The following FAF2 variants were observed in gnomAD, a reference collection of about 807,000 sequenced individuals.
FAF2 encodes the protein FAS-associated factor 2.
In FAF2, 9 loss-of-function variants were observed where a neutral mutation model predicts 62.3. That is an observed-to-expected ratio of 0.14 (90% CI 0.09 to 0.25). The LOEUF is 0.25. Among genes scored for constraint, FAF2 ranks in the 10% least tolerant of loss-of-function variants. The pLI is 1.00. For synonymous variants in FAF2, 202 were observed against 198.0 expected, an observed-to-expected ratio of 1.02 and a Z score of -0.17; for missense variants, 368 against 556.2, an observed-to-expected ratio of 0.66 and a Z score of 3.40.
intron 1 of FAF2, among the ~76,000 whole-genome samples, chr5:176,465,366 CTTTTTTTT>C (rs70991554): frequency 8.6e-6 from 1 of 115,728 alleles, no homozygotes; most frequent in Admixed American, 9.6e-5. Context: ...CTTTTTCTTT[CTTTTTTTT>C]TTTTTTTTTT....
At chr5:176,459,050 G>T (rs1473484217) in intron 1 of FAF2, among the ~76,000 whole-genome samples, 4 of 152,094 alleles carry the variant, frequency 2.6e-5, no homozygotes, top group Admixed American at 6.6e-5. Context: ...AGTTTTGGGG[G>T]GTTCAAACTG....
intron 1 of FAF2, among the ~76,000 whole-genome samples, chr5:176,462,492 C>T (rs746310881): frequency 1.3e-5 from 2 of 151,348 alleles, no homozygotes; most frequent in African/African-American, 4.9e-5. Flanking sequence ...GGCGTGGTGG[C>T]GCATGTCTGT....
intron 1 of FAF2, among the ~76,000 whole-genome samples, chr5:176,466,009 A>C (rs1007572312): frequency 3.3e-5 from 5 of 152,216 alleles, no homozygotes; most frequent in African/African-American, 1.2e-4. Context: ...TAACTTTTTG[A>C]ATCTTTGGCT....
In FAF2 at chr5:176,507,176, C is replaced by T. The variant is rs1272202522; in HGVS notation, c.*226C>T. 8 of 364,936 alleles carry T rather than the reference C, an allele frequency of 2.2e-5. No homozygotes were observed. Among genetic ancestry groups the T allele is most frequent in the Non-Finnish European group, 3.2e-5 (6 of 189,916 alleles). 22.6% of individuals were successfully genotyped at this position (364,936 alleles called of 1,614,324 possible). A position where few individuals can be genotyped will look rare whatever the true frequency, so the allele number is the denominator to read the frequency against. On this transcript the variant is annotated 3_prime_UTR_variant, in exon 11 of 11. Transcript: ENST00000261942. ...GTGTGCGCGCAAGGTTAGCAACAAA[C>T]GTACCCGCTTGGCAAGCCCACCCTT...
At chr5:176,473,899 C>T (rs1176830096) in intron 1 of FAF2, among the ~76,000 whole-genome samples, 1 of 152,158 alleles carries the variant, frequency 6.6e-6, no homozygotes, top group Admixed American at 6.5e-5. Flanking sequence ...CCACCACTCC[C>T]AGCCTCCTTT....
Position 176,507,220 on chromosome 5 carries a change from G to T in FAF2, c.*270G>T, listed in dbSNP as rs957441180. The T allele has an allele frequency of 7.9e-5, 35 of 440,578 alleles. No individual in the cohort carries two copies. The highest frequency in any genetic ancestry group is 7.1e-5 in the East Asian group (1 of 14,164). The allele number at this position is 440,578 out of a possible 1,614,324, so 27.3% of individuals were successfully genotyped here. A position where few individuals can be genotyped will look rare whatever the true frequency, so the allele number is the denominator to read the frequency against. ...CACCCTTCCTGTGGCCTCTGTGCAC[G>T]CACCTTCCAGTGAACAGAGACTCTT... is the stretch of plus-strand genomic sequence containing the variant. On this transcript the variant is annotated 3_prime_UTR_variant, in exon 11 of 11. Coordinates refer to ENST00000261942, the MANE Select transcript of FAF2 (RefSeq NM_014613.3).
At chr5:176,486,135 G>A (rs1412237590) in intron 2 of FAF2, among the ~76,000 whole-genome samples, 1 of 152,190 alleles carries the variant, frequency 6.6e-6, no homozygotes, top group Non-Finnish European at 1.5e-5. Context: ...TTCCAGACAA[G>A]TTTCCTCGTC....
intron 1 of FAF2, among the ~76,000 whole-genome samples, chr5:176,477,599 T>C (rs1758726135): frequency 6.6e-6 from 1 of 152,246 alleles, no homozygotes; most frequent in Non-Finnish European, 1.5e-5. Flanking sequence ...GGAACTTTTC[T>C]ATTTCAGCAT....
At position 176,496,641 on chromosome 5, in the gene FAF2, C is replaced by T; in HGVS notation, c.817C>T (p.Leu273=). The change falls in exon 8 of 11, where the codon CTG becomes TTG. Residue 273 remains leucine (L), a synonymous_variant. Transcript: ENST00000261942. ...TFIMDANQTY[L]VSERLEREER... Reference sequence around the variant, plus strand: ...TATCATGGATGCTAACCAGACTTACCTGGTGTCAGAACGCCTAGAAAGGTA... The same window carrying T: ...TATCATGGATGCTAACCAGACTTACTTGGTGTCAGAACGCCTAGAAAGGTA... The T allele has an allele frequency of 1.3e-6, 2 of 1,597,204 alleles. No homozygotes were observed. The highest frequency in any genetic ancestry group is 1.7e-6 in the Non-Finnish European group (2 of 1,172,436).
At chr5:176,478,145 T>C (rs1374046310) in intron 1 of FAF2, among the ~76,000 whole-genome samples, 1 of 152,200 alleles carries the variant, frequency 6.6e-6, no homozygotes, top group Non-Finnish European at 1.5e-5. Context: ...ATACATGAAC[T>C]GTTAGATTTG....
intron 4 of FAF2, among the ~76,000 whole-genome samples, chr5:176,489,598 C>T (rs2113739342): frequency 6.6e-6 from 1 of 152,250 alleles, no homozygotes; most frequent in South Asian, 2.1e-4. Flanking sequence ...AGTGCAGTGC[C>T]ACCATCTCGA....
At chr5:176,472,421 A>T (rs1758587961) in intron 1 of FAF2, among the ~76,000 whole-genome samples, 1 of 152,094 alleles carries the variant, frequency 6.6e-6, no homozygotes, top group African/African-American at 2.4e-5. Context: ...CTGGGATTAC[A>T]GGCGTGATCC....
Position 176,492,158 on chromosome 5 carries a change from G to A in FAF2, c.345-36G>A, listed in dbSNP as rs758285951. ...GCCCACTCGATATGCACTGTAGTAA[G>A]CTGGATTCATGTGATATTTATTCCT... On this transcript the variant is annotated intron_variant, in intron 4 of 10. Coordinates refer to ENST00000261942, the MANE Select transcript of FAF2 (RefSeq NM_014613.3). The A allele has an allele frequency of 2.5e-6, 4 of 1,613,380 alleles. No homozygotes were observed. The African/African-American group carries it at 4.0e-5, about 16-fold the overall frequency.
At chr5:176,449,982 T>C (rs1308557253) in intron 1 of FAF2, among the ~76,000 whole-genome samples, 6 of 152,218 alleles carry the variant, frequency 3.9e-5, no homozygotes, top group African/African-American at 1.4e-4. Flanking sequence ...GTGTCAGATT[T>C]AAAGCTATGT....
rs181286282 is a variant in FAF2 at position 176,460,689 on chromosome 5, C to T, written c.63+12219C>T. Among the ~76,000 whole-genome samples, 704 of 152,062 alleles carry T rather than the reference C, an allele frequency of 4.6e-3. 6 individuals are homozygous for T. The highest frequency in any genetic ancestry group is 0.016 in the African/African-American group (663 of 41,496). On this transcript the variant is annotated intron_variant, in intron 1 of 10. Transcript: ENST00000261942. ...TGTCTGAGGCGGGTGTGATGGCTCA[C>T]GCCTGTAATCCCAGCACTTTGGGAG...
chr5:176,480,002 T>G (rs1483123585), intron 2 of FAF2, among the ~76,000 whole-genome samples: 1 of 152,212 alleles, frequency 6.6e-6, no homozygotes, highest in African/African-American at 2.4e-5. Flanking sequence ...GCCATGCCTC[T>G]GATTTTTTAT....
Position 176,494,228 on chromosome 5 carries a change from G to T in FAF2, c.614G>T (p.Arg205Met). The T allele has an allele frequency of 6.2e-7, 1 of 1,614,016 alleles. No individual in the cohort carries two copies. Among genetic ancestry groups the T allele is most frequent in the South Asian group, 1.1e-5 (1 of 91,070 alleles). Reference protein sequence around the residue: ...APEVISLINTRMLFWACSTNK... With the variant: ...APEVISLINTMMLFWACSTNK... ...GAAGTTATTTCACTAATAAACACTAGGATGCTCTTCTGGGCATGCTCTACA... is the reference window on the plus strand; with the variant it reads ...GAAGTTATTTCACTAATAAACACTATGATGCTCTTCTGGGCATGCTCTACA... Residue 205 changes from arginine to methionine, a missense_variant, in exon 7 of 11, where the codon AGG becomes ATG. Physicochemically the swap from Arg to Met is moderately conservative, Grantham distance 91. Transcript: ENST00000261942. This position sits in a 1 kb window ranked among gnomAD's most constrained non-coding sequence, Gnocchi z 4.0.
At chr5:176,469,484 G>A (rs1439530586) in intron 1 of FAF2, among the ~76,000 whole-genome samples, 1 of 152,146 alleles carries the variant, frequency 6.6e-6, no homozygotes, top group Non-Finnish European at 1.5e-5. Flanking sequence ...GAACAAAGCT[G>A]GCATTGCAAA....
chr5:176,473,247 T>C (rs562772422), intron 1 of FAF2, among the ~76,000 whole-genome samples: 3 of 152,288 alleles, frequency 2.0e-5, no homozygotes, highest in East Asian at 3.9e-4. Context: ...TGAGCTTTTA[T>C]TGTTTTTGGT....
Sources: gnomAD v4.1 joint callset for allele counts (sites outside exome capture counted in the v4.1 genomes callset) on GRCh38, gnomAD v4.1.1 for gene constraint, Gnocchi (gnomAD v3.1) non-coding constraint, MANE v1.5 for transcripts, NCBI Gene and HGNC (gene_info 2026-07-23, HGNC 2026-07-21) for gene names.